Variants in KATNIP observed in about 807,000 individuals in gnomAD.
The protein encoded by KATNIP is katanin interacting protein.
Under a neutral mutation model 174.0 loss-of-function variants are expected in KATNIP, and 126 were observed. That is an observed-to-expected ratio of 0.72 (90% CI 0.63 to 0.84). KATNIP has a LOEUF of 0.84. Ranked by LOEUF, KATNIP falls within the 40% of genes least tolerant of loss-of-function variation. The probability of loss-of-function intolerance (pLI) is 0.00; values close to 1 mark genes in which losing one functional copy is unlikely to be tolerated. For missense variants in KATNIP, 1,958 were observed against 2,109.7 expected, an observed-to-expected ratio of 0.93 and a Z score of 1.41; for synonymous variants, 810 against 835.7, an observed-to-expected ratio of 0.97 and a Z score of 0.53.
chr16:27,554,204 C>T (rs1263457690), intron 1 of KATNIP, among the ~76,000 whole-genome samples: 10 of 152,174 alleles, frequency 6.6e-5, no homozygotes, highest in Admixed American at 6.5e-4. Context: ...TGGCTCACGC[C>T]TGTAATCCCA....
At chr16:27,585,744 G>T (rs1431291577) in intron 2 of KATNIP, among the ~76,000 whole-genome samples, 1 of 152,144 alleles carries the variant, frequency 6.6e-6, no homozygotes, top group South Asian at 2.1e-4. Context: ...GAGAATAGAC[G>T]GATGGGTCCC....
At chr16:27,576,938 G>C (rs920036053) in intron 2 of KATNIP, among the ~76,000 whole-genome samples, 4 of 152,046 alleles carry the variant, frequency 2.6e-5, no homozygotes, top group African/African-American at 9.7e-5. Flanking sequence ...GTGGTGAGGT[G>C]GTGTGGCCAG....
intron 8 of KATNIP, among the ~76,000 whole-genome samples, chr16:27,689,916 G>T (rs1269938862): frequency 2.0e-5 from 3 of 152,114 alleles, no homozygotes; most frequent in African/African-American, 7.2e-5. Flanking sequence ...TAGCACTGGT[G>T]ATTTCAGGGC....
At chr16:27,578,020 T>G (rs569403549) in intron 2 of KATNIP, among the ~76,000 whole-genome samples, 30 of 152,328 alleles carry the variant, frequency 2.0e-4, no homozygotes, top group Middle Eastern at 6.8e-3. Flanking sequence ...CATACTTATA[T>G]AACTAACCCA....
chr16:27,737,801 T>C (rs895140037), intron 14 of KATNIP, among the ~76,000 whole-genome samples: 2 of 152,208 alleles, frequency 1.3e-5, no homozygotes, highest in Non-Finnish European at 2.9e-5. Context: ...GGCAGTCAGC[T>C]GGACCCTGTA....
At chr16:27,715,199 T>C (rs892454461) in intron 13 of KATNIP, among the ~76,000 whole-genome samples, 1 of 152,230 alleles carries the variant, frequency 6.6e-6, no homozygotes, top group Non-Finnish European at 1.5e-5. Flanking sequence ...AGAAGCATAG[T>C]CATTCAAAAA....
At chr16:27,663,402 A>G (rs2077585246) in intron 6 of KATNIP, among the ~76,000 whole-genome samples, 1 of 151,440 alleles carries the variant, frequency 6.6e-6, no homozygotes, top group Admixed American at 6.6e-5. Flanking sequence ...GTACTATGTA[A>G]TACTTTCATT....
At chr16:27,753,648 G>T (rs1178603121) in intron 17 of KATNIP, among the ~76,000 whole-genome samples, 3 of 152,314 alleles carry the variant, frequency 2.0e-5, no homozygotes, top group Admixed American at 2.0e-4. Context: ...CACCCCTAGA[G>T]ATTCTGCTTC....
chr16:27,631,526 C>T (rs1468817882), intron 5 of KATNIP, among the ~76,000 whole-genome samples: 1 of 144,280 alleles, frequency 6.9e-6, no homozygotes, highest in Non-Finnish European at 1.5e-5. Context: ...GCCTGGGCAA[C>T]AGAGCAAGAG....
In KATNIP at chr16:27,580,653, C is replaced by T. The variant is rs74016095; in HGVS notation, c.63+6697C>T. ...CAGAACATATGCTTTGTCTCCTTTACCCACCCATCCATTCCCCTCATGCAA... is the reference window on the plus strand; with the variant it reads ...CAGAACATATGCTTTGTCTCCTTTATCCACCCATCCATTCCCCTCATGCAA... On this transcript the variant is annotated intron_variant, in intron 2 of 27. Transcript: ENST00000261588. 3.5e-3 allele frequency among the ~76,000 whole-genome samples: 526 copies of T among 152,042 alleles called. 5 individuals carry two copies. The highest frequency in any genetic ancestry group is 0.012 in the African/African-American group (500 of 41,480).
At chr16:27,725,429 G>A (rs1293276863) in intron 14 of KATNIP, among the ~76,000 whole-genome samples, 1 of 152,164 alleles carries the variant, frequency 6.6e-6, no homozygotes, top group Non-Finnish European at 1.5e-5. Context: ...TCGAGGAAAG[G>A]GTGTGATGAT....
At chr16:27,767,518 T>C (rs1478929042) in intron 20 of KATNIP, among the ~76,000 whole-genome samples, 1 of 152,062 alleles carries the variant, frequency 6.6e-6, no homozygotes, top group African/African-American at 2.4e-5. Flanking sequence ...CCAGGAGTTC[T>C]AGACCAGCCT....
chr16:27,585,245 A>G (rs2090850221), intron 2 of KATNIP, among the ~76,000 whole-genome samples: 1 of 152,166 alleles, frequency 6.6e-6, no homozygotes, highest in South Asian at 2.1e-4. Context: ...ATCTCATCCC[A>G]GTTAAAATGG....
intron 6 of KATNIP, among the ~76,000 whole-genome samples, chr16:27,655,220 A>G (rs111801143): frequency 2.2e-5 from 2 of 91,660 alleles, no homozygotes; most frequent in Non-Finnish European, 4.4e-5. Context: ...ATATATATAT[A>G]TATATATATT....
intron 2 of KATNIP, among the ~76,000 whole-genome samples, chr16:27,605,764 G>A (rs1482599544): frequency 6.6e-6 from 1 of 152,136 alleles, no homozygotes; most frequent in African/African-American, 2.4e-5. Flanking sequence ...GGTGTGATGG[G>A]TGCATTGACT....
At chr16:27,645,872 G>A (rs1008625988) in intron 5 of KATNIP, among the ~76,000 whole-genome samples, 1 of 152,150 alleles carries the variant, frequency 6.6e-6, no homozygotes, top group Non-Finnish European at 1.5e-5. Context: ...TGCCACACCT[G>A]GATCTCGTGG....
At position 27,664,292 on chromosome 16, in the gene KATNIP, G is replaced by C. The variant is rs75405683; in HGVS notation, c.541-13437G>C. The stretch of plus-strand genomic sequence containing the variant: ...GTTTTGAAAGTTACTGAGGTTTTTT[G>C]TTTGTGGCCTACCAGATGATTTTTA... On this transcript the variant is annotated intron_variant, in intron 6 of 27. Transcript: ENST00000261588. Among the ~76,000 whole-genome samples, 521 of 152,208 alleles carry C rather than the reference G, an allele frequency of 3.4e-3. 30 individuals are homozygous for C. In the East Asian group the frequency reaches 0.093, roughly 27 times the overall value.
At chr16:27,745,948 ACTC>A (rs2081277670) in intron 15 of KATNIP, among the ~76,000 whole-genome samples, 2 of 141,120 alleles carry the variant, frequency 1.4e-5, no homozygotes, top group African/African-American at 5.3e-5. Context: ...GCAAGGCTCA[ACTC>A]CTCTGCTTTT....
Position 27,740,924 on chromosome 16 carries a change from A to G in KATNIP, c.2623+4A>G, listed in dbSNP as rs535079328. On this transcript the variant is annotated splice_donor_region_variant and intron_variant, in intron 15 of 27. Transcript: ENST00000261588. ...GACGACCAGCCAGCCAGCAGAGGTA[A>G]GCTCCAAAGAGCAGCCCGACTTGGG... 2 of 1,582,682 alleles carry G rather than the reference A, an allele frequency of 1.3e-6. No individual in the cohort carries two copies. The highest frequency in any genetic ancestry group is 1.8e-5 in the Admixed American group (1 of 54,420).
Sources: gnomAD v4.1 joint callset for allele counts (sites outside exome capture counted in the v4.1 genomes callset) on GRCh38, gnomAD v4.1.1 for gene constraint, MANE v1.5 for transcripts, NCBI Gene and HGNC (gene_info 2026-07-23, HGNC 2026-07-21) for gene names.